Variants in PTPRK observed in about 807,000 individuals in gnomAD.
The protein encoded by PTPRK is receptor-type tyrosine-protein phosphatase kappa.
PTPRK carries 75 observed loss-of-function variants against 178.0 expected under a neutral mutation model. The ratio of observed to expected loss-of-function variants is 0.42; its 90% CI spans 0.35 to 0.51. The LOEUF is 0.51. Among genes scored for constraint, PTPRK ranks in the 20% least tolerant of loss-of-function variants. The pLI is 0.02. For synonymous variants in PTPRK, 637 were observed against 620.6 expected (o/e 1.03, Z -0.39); for missense variants, 1,441 against 1,797.8 (o/e 0.80, Z 3.59).
At chr6:128,224,344 C>T (rs1025086354) in intron 5 of PTPRK, among the ~76,000 whole-genome samples, 1 of 152,176 alleles carries the variant, frequency 6.6e-6, no homozygotes, top group African/African-American at 2.4e-5. Context: ...GTTATCACTC[C>T]TCTCCTCTAC....
intron 1 of PTPRK, among the ~76,000 whole-genome samples, chr6:128,485,184 T>G (rs966874313): frequency 1.3e-5 from 2 of 152,228 alleles, no homozygotes; most frequent in Non-Finnish European, 2.9e-5. Flanking sequence ...TATGACTCTG[T>G]GGCAATCAAC....
intron 1 of PTPRK, among the ~76,000 whole-genome samples, chr6:128,473,275 T>C (rs2128419768): frequency 6.6e-6 from 1 of 152,206 alleles, no homozygotes; most frequent in South Asian, 2.1e-4. Flanking sequence ...AGGTAATGCA[T>C]TCTTCACCAG....
intron 8 of PTPRK, chr6:128,084,896 C>T (rs939186449): frequency 3.3e-5 from 5 of 152,028 alleles, no homozygotes; most frequent in East Asian, 1.9e-4. Context: ...CTTAATCTAA[C>T]GTTTCAGTGA....
chr6:128,314,662 A>G (rs905564397), intron 3 of PTPRK, among the ~76,000 whole-genome samples: 1 of 151,956 alleles, frequency 6.6e-6, no homozygotes, highest in Non-Finnish European at 1.5e-5. Context: ...CTATCATCCC[A>G]TATTGCAGGG....
At chr6:128,369,042 C>G (rs1157219522) in intron 2 of PTPRK, among the ~76,000 whole-genome samples, 1 of 148,944 alleles carries the variant, frequency 6.7e-6, no homozygotes, top group African/African-American at 2.5e-5. Context: ...TTTTAAAGAG[C>G]CTTGGCTTTG....
intron 3 of PTPRK, among the ~76,000 whole-genome samples, chr6:128,272,976 T>C (rs906267829): frequency 6.6e-5 from 10 of 152,190 alleles, no homozygotes; most frequent in African/African-American, 2.4e-4. Context: ...CCATCAATGA[T>C]AGACTGGATT....
At chr6:128,228,172 A>C (rs2128277570) in intron 5 of PTPRK, among the ~76,000 whole-genome samples, 1 of 152,150 alleles carries the variant, frequency 6.6e-6, no homozygotes, top group Admixed American at 6.5e-5. Flanking sequence ...ATTATGAGTA[A>C]CTACAGTAAA....
intron 8 of PTPRK, among the ~76,000 whole-genome samples, chr6:128,089,184 G>C (rs2115022381): frequency 6.6e-6 from 1 of 152,258 alleles, no homozygotes; most frequent in South Asian, 2.1e-4. Context: ...GGCTGGTCTT[G>C]AACTCTTGAC....
chr6:128,340,988 T>C (rs563893407), intron 2 of PTPRK, among the ~76,000 whole-genome samples: 8 of 152,320 alleles, frequency 5.3e-5, no homozygotes, highest in African/African-American at 1.9e-4. Flanking sequence ...TTACTATATT[T>C]ATTGTTAGTA....
At chr6:128,467,040 C>CT (rs1271592486) in intron 1 of PTPRK, among the ~76,000 whole-genome samples, 1 of 152,206 alleles carries the variant, frequency 6.6e-6, no homozygotes, top group African/African-American at 2.4e-5. Flanking sequence ...GGGTCTCACT[C>CT]TGTCTTCCAG....
intron 5 of PTPRK, among the ~76,000 whole-genome samples, chr6:128,226,718 T>G (rs1467957671): frequency 6.7e-6 from 1 of 148,436 alleles, no homozygotes; most frequent in Non-Finnish European, 1.5e-5. Context: ...TCTTCAATTT[T>G]GTAAATAAAA....
chr6:128,228,623 A>C (rs551152192), intron 5 of PTPRK, among the ~76,000 whole-genome samples: 1 of 150,032 alleles, frequency 6.7e-6, no homozygotes, highest in African/African-American at 2.4e-5. Context: ...TCGCGCCACT[A>C]CACTCCAGCT....
At chr6:128,280,856 T>C (rs1821557838) in intron 3 of PTPRK, among the ~76,000 whole-genome samples, 1 of 152,228 alleles carries the variant, frequency 6.6e-6, no homozygotes, top group South Asian at 2.1e-4. Context: ...ATTGTAGTTA[T>C]GTTAGATGTT....
intron 1 of PTPRK, among the ~76,000 whole-genome samples, chr6:128,476,805 G>A (rs1444913772): frequency 6.6e-6 from 1 of 151,862 alleles, no homozygotes; most frequent in African/African-American, 2.4e-5. Flanking sequence ...CAAATAATTA[G>A]TGGGGAACTT....
At chr6:128,331,313 T>G (rs1197875734) in intron 2 of PTPRK, among the ~76,000 whole-genome samples, 1 of 152,168 alleles carries the variant, frequency 6.6e-6, no homozygotes, top group Non-Finnish European at 1.5e-5. Flanking sequence ...ACCATATCTG[T>G]CTGTGCATCC....
chr6:128,201,642 T>TGAAGCCAG (rs1362989801), intron 6 of PTPRK, among the ~76,000 whole-genome samples: 1 of 152,114 alleles, frequency 6.6e-6, no homozygotes, highest in Non-Finnish European at 1.5e-5. Flanking sequence ...GAGGACTGCT[T>TGAAGCCAG]GAAGCCAGGA....
chr6:128,129,713 G>A (rs1793919787), intron 7 of PTPRK, among the ~76,000 whole-genome samples: 1 of 152,080 alleles, frequency 6.6e-6, no homozygotes, highest in African/African-American at 2.4e-5. Context: ...ACATTTACAA[G>A]TTGAACATCA....
intron 6 of PTPRK, among the ~76,000 whole-genome samples, chr6:128,192,569 T>C (rs1009107909): frequency 6.6e-6 from 1 of 152,054 alleles, no homozygotes. Context: ...CCTGTAATCC[T>C]AGCATTTTAG....
intron 2 of PTPRK, among the ~76,000 whole-genome samples, chr6:128,339,143 C>A (rs1831334473): frequency 1.3e-5 from 2 of 152,038 alleles, no homozygotes; most frequent in African/African-American, 4.8e-5. Context: ...TGATTACAAA[C>A]CTTTTTTCAG....
Sources: allele counts gnomAD v4.1 joint callset (sites outside exome capture counted in the v4.1 genomes callset), GRCh38; gene constraint gnomAD v4.1.1; transcripts MANE v1.5; gene names NCBI Gene and HGNC (gene_info 2026-07-23, HGNC 2026-07-21).